Variants in PDE1C observed in about 807,000 individuals in gnomAD.
PDE1C encodes the protein dual specificity calcium/calmodulin-dependent 3',5'-cyclic nucleotide phosphodiesterase 1C.
A neutral mutation model predicts 93.1 loss-of-function variants in PDE1C; 62 were observed. The observed-to-expected ratio is 0.67, with a 90% CI of 0.54 to 0.82. The LOEUF (loss-of-function observed/expected upper bound fraction) is 0.82, where lower values mean the gene tolerates loss of function less well. Ranked by LOEUF, PDE1C falls within the 40% of genes least tolerant of loss-of-function variation. The probability of loss-of-function intolerance (pLI) is 0.00; values close to 1 mark genes in which losing one functional copy is unlikely to be tolerated. For synonymous variants in PDE1C, 325 were observed against 310.1 expected (o/e 1.05, Z -0.50); for missense variants, 742 against 884.6 (o/e 0.84, Z 2.04).
At chr7:32,295,744 A>T (rs368047085) in intron 1 of PDE1C, among the ~76,000 whole-genome samples, 2 of 152,080 alleles carry the variant, frequency 1.3e-5, no homozygotes, top group African/African-American at 4.8e-5. Flanking sequence ...ACAAAAAAAA[A>T]TTAGCAGGGC....
chr7:32,072,363 GTAT>G (rs1374611951), upstream of PDE1C, among the ~76,000 whole-genome samples: 1 of 152,184 alleles, frequency 6.6e-6, no homozygotes, highest in Non-Finnish European at 1.5e-5. Context: ...CTGAGTTAAG[GTAT>G]TATTACTAGG....
At chr7:32,382,553 A>C (rs1316945663) in intron 1 of PDE1C, among the ~76,000 whole-genome samples, 1 of 152,120 alleles carries the variant, frequency 6.6e-6, no homozygotes, top group African/African-American at 2.4e-5. Context: ...TCTCATGCCA[A>C]GCTCAGTCTG....
intron 2 of PDE1C, among the ~76,000 whole-genome samples, chr7:31,891,206 C>A (rs1171805618): frequency 6.6e-6 from 1 of 152,126 alleles, no homozygotes; most frequent in African/African-American, 2.4e-5. Flanking sequence ...GGAACTGGAA[C>A]TGATTGCTCC....
At chr7:31,768,287 G>A (rs1008750349) in intron 17 of PDE1C, among the ~76,000 whole-genome samples, 2 of 152,048 alleles carry the variant, frequency 1.3e-5, no homozygotes, top group Non-Finnish European at 1.5e-5. Flanking sequence ...CCAGTGAGTC[G>A]GGCCAGGCTG....
At chr7:32,053,143 G>T (rs536005730) in intron 1 of PDE1C, among the ~76,000 whole-genome samples, 10 of 152,234 alleles carry the variant, frequency 6.6e-5, no homozygotes, top group African/African-American at 2.4e-4. Flanking sequence ...TTACAATGCT[G>T]GACTAGTTAT....
intron 1 of PDE1C, among the ~76,000 whole-genome samples, chr7:32,251,770 G>T (rs1398718172): frequency 5.9e-5 from 9 of 152,158 alleles, no homozygotes; most frequent in Non-Finnish European, 1.2e-4. Flanking sequence ...CACCATGTCT[G>T]CCCTTAAACC....
chr7:32,179,848 G>C (rs1476774066), intron 2 of PDE1C, among the ~76,000 whole-genome samples: 2 of 152,268 alleles, frequency 1.3e-5, no homozygotes, highest in Middle Eastern at 3.4e-3. Flanking sequence ...CTGGCAGAAA[G>C]CTGAAAATTT....
At chr7:31,835,009 A>G (rs1466204947) in intron 11 of PDE1C, among the ~76,000 whole-genome samples, 1 of 152,080 alleles carries the variant, frequency 6.6e-6, no homozygotes, top group African/African-American at 2.4e-5. Flanking sequence ...GGTAGCAAAT[A>G]AGTCTCATGA....
At chr7:31,770,624 G>T (rs538074659) in intron 17 of PDE1C, among the ~76,000 whole-genome samples, 42 of 152,118 alleles carry the variant, frequency 2.8e-4, no homozygotes, top group African/African-American at 9.6e-4. Flanking sequence ...TGTTTCTCCT[G>T]CCTCAGCCTC....
intron 2 of PDE1C, among the ~76,000 whole-genome samples, chr7:31,881,834 G>C (rs1797291004): frequency 6.6e-6 from 1 of 151,836 alleles, no homozygotes; most frequent in Non-Finnish European, 1.5e-5. Flanking sequence ...ATGTGACTCG[G>C]TTGTTCTTTG....
chr7:32,101,261 G>C (rs1353936587), intron 3 of PDE1C, among the ~76,000 whole-genome samples: 3 of 152,132 alleles, frequency 2.0e-5, no homozygotes, highest in Non-Finnish European at 2.9e-5. Flanking sequence ...AATTTGATTT[G>C]GGTAATACCG....
chr7:31,867,824 T>C (rs1269332975), intron 6 of PDE1C, among the ~76,000 whole-genome samples: 3 of 152,064 alleles, frequency 2.0e-5, no homozygotes, highest in African/African-American at 4.8e-5. Context: ...CCACTGCCAC[T>C]ACTGGGGCCC....
chr7:31,982,624 A>G (rs937638307), intron 2 of PDE1C, among the ~76,000 whole-genome samples: 2 of 152,042 alleles, frequency 1.3e-5, no homozygotes, highest in African/African-American at 4.8e-5. Context: ...AGCCAAAACC[A>G]ATAGGTTTTG....
At chr7:32,399,695 G>A (rs1784907086) in intron 1 of PDE1C, among the ~76,000 whole-genome samples, 1 of 148,632 alleles carries the variant, frequency 6.7e-6, no homozygotes, top group Admixed American at 6.9e-5. Context: ...TGATTCTCAT[G>A]CCTCAGCCTC....
At chr7:31,775,389 C>T (rs1381462002) in intron 17 of PDE1C, among the ~76,000 whole-genome samples, 1 of 152,084 alleles carries the variant, frequency 6.6e-6, no homozygotes, top group African/African-American at 2.4e-5. Context: ...CAAGGCAGAT[C>T]CTTCCATAGC....
intron 2 of PDE1C, among the ~76,000 whole-genome samples, chr7:31,932,700 C>T (rs1350510127): frequency 1.3e-5 from 2 of 152,172 alleles, no homozygotes; most frequent in African/African-American, 2.4e-5. Context: ...TTTGATCCAG[C>T]AATCCCATTA....
intron 1 of PDE1C, among the ~76,000 whole-genome samples, chr7:32,281,939 G>C (rs575124921): frequency 6.6e-6 from 1 of 152,010 alleles, no homozygotes; most frequent in Non-Finnish European, 1.5e-5. Context: ...GTGTTCTCCC[G>C]CATAGGTGGG....
At chr7:31,847,865 T>G (rs1792827401) in intron 9 of PDE1C, 103 bp downstream of exon 9, 1 of 1,212,842 alleles carries the variant, frequency 8.2e-7, no homozygotes, top group African/African-American at 1.5e-5. Flanking sequence ...GCAACACGAA[T>G]CAACATTTTA....
chr7:31,690,956 G>T, the PDE1C span, among the ~76,000 whole-genome samples: 1 of 152,096 alleles, frequency 6.6e-6, no homozygotes, highest in Non-Finnish European at 1.5e-5. Context: ...GAGGAAAATT[G>T]GTTAAATAGG....
Sources: gnomAD v4.1 joint callset for allele counts (sites outside exome capture counted in the v4.1 genomes callset) on GRCh38, gnomAD v4.1.1 for gene constraint, MANE v1.5 for transcripts, NCBI Gene and HGNC (gene_info 2026-07-23, HGNC 2026-07-21) for gene names.